Variants in DEPTOR observed in about 807,000 individuals in gnomAD.
The protein encoded by DEPTOR is DEP domain containing MTOR interacting protein.
Under a neutral mutation model 41.6 loss-of-function variants are expected in DEPTOR, and 41 were observed. That is an observed-to-expected ratio of 0.98 (90% CI 0.77 to 1.28). The LOEUF (loss-of-function observed/expected upper bound fraction) is 1.28. DEPTOR is among the 50% of genes most tolerant of loss of function. The pLI is 0.00. For missense variants in DEPTOR, 514 were observed against 527.9 expected (o/e 0.97, Z 0.26); for synonymous variants, 195 against 192.3 (o/e 1.01, Z -0.12).
intron 1 of DEPTOR, among the ~76,000 whole-genome samples, chr8:119,922,550 A>G (rs1038508131): frequency 2.0e-5 from 3 of 152,164 alleles, no homozygotes; most frequent in Non-Finnish European, 4.4e-5. Context: ...CACCGTATGT[A>G]AACTTGTTTT....
chr8:120,019,159 G>A (rs1253101766), intron 8 of DEPTOR, among the ~76,000 whole-genome samples: 5 of 152,070 alleles, frequency 3.3e-5, no homozygotes, highest in African/African-American at 1.2e-4. Flanking sequence ...ACAAAAATTA[G>A]CCTGGCATGG....
intron 2 of DEPTOR, among the ~76,000 whole-genome samples, chr8:119,929,418 C>G (rs1245903281): frequency 2.6e-5 from 4 of 152,106 alleles, no homozygotes; most frequent in African/African-American, 9.7e-5. Context: ...CCTCTGTAGC[C>G]TTATCACACC....
At chr8:119,890,275 G>GTTTT (rs901871260) in intron 1 of DEPTOR, among the ~76,000 whole-genome samples, 5 of 58,150 alleles carry the variant, frequency 8.6e-5, no homozygotes, top group Admixed American at 1.8e-4. Context: ...TGTTATATGA[G>GTTTT]TTTTTTTGTT....
At chr8:120,002,917 G>C (rs80179318) in intron 5 of DEPTOR, 60 bp from the exon 6 acceptor site, 150,910 of 1,525,442 alleles carry the variant, frequency 0.099, 10,234 homozygotes, top group African/African-American at 0.34. Context: ...GAAAGCCTAT[G>C]TGCTCTAGTG....
At chr8:119,917,738 A>C (rs947845790) in intron 1 of DEPTOR, among the ~76,000 whole-genome samples, 20 of 152,206 alleles carry the variant, frequency 1.3e-4, no homozygotes, top group African/African-American at 4.6e-4. Context: ...GAGGAGGATT[A>C]GTAAAAGAGG....
intron 3 of DEPTOR, among the ~76,000 whole-genome samples, chr8:119,938,858 C>T (rs554696029): frequency 1.3e-4 from 20 of 151,414 alleles, no homozygotes; most frequent in Non-Finnish European, 2.2e-4. Context: ...CCTCCCTCCC[C>T]GTTTCTCCCT....
At chr8:119,937,490 TGTTC>T (rs1036257381) in intron 3 of DEPTOR, among the ~76,000 whole-genome samples, 2 of 152,218 alleles carry the variant, frequency 1.3e-5, no homozygotes, top group African/African-American at 4.8e-5. Context: ...TTAGAATGAA[TGTTC>T]CCGGCCTTCT....
intron 4 of DEPTOR, among the ~76,000 whole-genome samples, chr8:119,997,101 T>A (rs9642847): frequency 6.6e-6 from 1 of 151,978 alleles, no homozygotes; most frequent in African/African-American, 2.4e-5. Context: ...TTATTTATGA[T>A]TTTATTATAT....
At chr8:120,006,233 T>A (rs561491842) in intron 6 of DEPTOR, among the ~76,000 whole-genome samples, 1 of 152,192 alleles carries the variant, frequency 6.6e-6, no homozygotes, top group South Asian at 2.1e-4. Flanking sequence ...TCCTAGGTGT[T>A]AAGAAGGAAG....
intron 8 of DEPTOR, among the ~76,000 whole-genome samples, chr8:120,043,939 G>T (rs1474408354): frequency 6.6e-6 from 1 of 151,836 alleles, no homozygotes; most frequent in Non-Finnish European, 1.5e-5. Context: ...TTGAACCCGG[G>T]TGTAGGAAGT....
intron 1 of DEPTOR, among the ~76,000 whole-genome samples, chr8:119,907,181 A>C (rs1261317991): frequency 6.6e-6 from 1 of 152,168 alleles, no homozygotes; most frequent in African/African-American, 2.4e-5. Context: ...GGCCCATGAC[A>C]CTACCTTCCT....
At chr8:119,914,099 G>C (rs1476058848) in intron 1 of DEPTOR, among the ~76,000 whole-genome samples, 1 of 150,542 alleles carries the variant, frequency 6.6e-6, no homozygotes, top group African/African-American at 2.4e-5. Context: ...AGGCTGGAGT[G>C]CAGTGGCATG....
intron 4 of DEPTOR, among the ~76,000 whole-genome samples, chr8:119,977,653 GC>G (rs1395184743): frequency 6.6e-6 from 1 of 152,150 alleles, no homozygotes; most frequent in East Asian, 1.9e-4. Flanking sequence ...TTGATAGAGG[GC>G]CAAGACATTG....
intron 8 of DEPTOR, among the ~76,000 whole-genome samples, chr8:120,032,608 C>A (rs1812909896): frequency 6.6e-6 from 1 of 152,138 alleles, no homozygotes; most frequent in Non-Finnish European, 1.5e-5. Context: ...CTGGTGGGGG[C>A]CTTGAGTCCA....
At chr8:120,023,851 T>A (rs549591874) in intron 8 of DEPTOR, among the ~76,000 whole-genome samples, 1 of 151,640 alleles carries the variant, frequency 6.6e-6, no homozygotes, top group African/African-American at 2.4e-5. Flanking sequence ...TACTTCAAGG[T>A]CTGAGACAGC....
chr8:119,874,327 A>C, intron 1 of DEPTOR: 1 of 303,636 alleles, frequency 3.3e-6, no homozygotes, highest in Non-Finnish European at 6.1e-6. Context: ...CCTGCGCCTC[A>C]TCCGCGAAGA....
At chr8:120,032,189 A>G (rs1310028299) in intron 8 of DEPTOR, among the ~76,000 whole-genome samples, 1 of 147,424 alleles carries the variant, frequency 6.8e-6, no homozygotes, top group Non-Finnish European at 1.5e-5. Flanking sequence ...CCAAAACTTC[A>G]TTCTAATATG....
chr8:120,021,172 G>A (rs1035414818), intron 8 of DEPTOR, among the ~76,000 whole-genome samples: 10 of 152,022 alleles, frequency 6.6e-5, no homozygotes, highest in Admixed American at 5.2e-4. Flanking sequence ...GGAGGCCAAG[G>A]CGGGCAGATT....
intron 1 of DEPTOR, among the ~76,000 whole-genome samples, chr8:119,878,021 T>A (rs896166624): frequency 6.6e-6 from 1 of 152,118 alleles, no homozygotes; most frequent in African/African-American, 2.4e-5. Flanking sequence ...AACCTCTGCC[T>A]CCGGGTTCAA....
Sources: allele counts gnomAD v4.1 joint callset (sites outside exome capture counted in the v4.1 genomes callset), GRCh38; gene constraint gnomAD v4.1.1; transcripts MANE v1.5; gene names NCBI Gene and HGNC (gene_info 2026-07-23, HGNC 2026-07-21).